The following SPAG17 variants were observed in gnomAD, a reference collection of about 807,000 sequenced individuals.
SPAG17 encodes the protein sperm associated antigen 17.
A neutral mutation model predicts 273.6 loss-of-function variants in SPAG17; 169 were observed. The ratio of observed to expected loss-of-function variants is 0.62; its 90% confidence interval spans 0.55 to 0.70. The LOEUF (loss-of-function observed/expected upper bound fraction) is 0.70, where lower values mean the gene tolerates loss of function less well. Among genes scored for constraint, SPAG17 ranks in the 30% least tolerant of loss-of-function variants. SPAG17 has a pLI of 0.00. For missense variants in SPAG17, 2,557 were observed against 2,627.8 expected, an observed-to-expected ratio of 0.97 and a Z score of 0.59; for synonymous variants, 825 against 873.2, an observed-to-expected ratio of 0.94 and a Z score of 0.97.
intron 3 of SPAG17, among the ~76,000 whole-genome samples, chr1:118,148,604 T>C (rs1659197169): frequency 6.6e-6 from 1 of 152,150 alleles, no homozygotes; most frequent in Non-Finnish European, 1.5e-5. Flanking sequence ...AGAGCACTGA[T>C]TGGTGCATTT....
At position 117,988,214 on chromosome 1, in the gene SPAG17, T is replaced by C. The variant is rs1417062190; in HGVS notation, c.5522-10A>G. 6 of 1,575,396 alleles carry C rather than the reference T, an allele frequency of 3.8e-6. No homozygotes were observed. The highest frequency in any genetic ancestry group is 3.4e-6 in the Non-Finnish European group (4 of 1,164,224). ...GTTAGGTGAGCTGCAACTTTAAACA[T>C]AGATGTATTTAACTTTTATCCCCAC... On this transcript the variant is annotated splice_polypyrimidine_tract_variant and intron_variant, in intron 38 of 48. Coordinates refer to ENST00000336338, the MANE Select transcript of SPAG17 (RefSeq NM_206996.4).
chr1:117,987,740 C>G, intron 40 of SPAG17, 94 bp downstream of exon 40: 1 of 1,236,204 alleles, frequency 8.1e-7, no homozygotes, highest in East Asian at 2.4e-5. Flanking sequence ...CAAATAACAT[C>G]TGGGTGCCTG....
At chr1:118,108,004 T>A (rs1413734919) in intron 4 of SPAG17, among the ~76,000 whole-genome samples, 5 of 152,182 alleles carry the variant, frequency 3.3e-5, no homozygotes. Flanking sequence ...AAAATATATG[T>A]AGACAATAAA....
intron 11 of SPAG17, 27 bp downstream of exon 11, chr1:118,086,844 A>G: frequency 6.2e-7 from 1 of 1,614,170 alleles, no homozygotes; most frequent in South Asian, 1.1e-5. Context: ...CAAAGCATGA[A>G]GACTCTGCTA....
At position 118,012,365 on chromosome 1, in the gene SPAG17, G is replaced by C; in HGVS notation, c.4295C>G (p.Thr1432Arg). 1 of 1,612,846 alleles carries C rather than the reference G, an allele frequency of 6.2e-7. No homozygotes were observed. The highest frequency in any genetic ancestry group is 8.5e-7 in the Non-Finnish European group (1 of 1,179,362). ...ATDPVNGTVM[T>R]TREDKVVIVE... is the part of the protein sequence containing the mutation. ...TATGACAACTTTGTCTTCTCGAGTT[G>C]TCATAACCTGAACATGAAGAGGCAG... The change falls in exon 30 of 49, where the codon ACA (threonine) becomes AGA (arginine). Residue 1432 changes from threonine to arginine, a missense_variant. Coordinates refer to ENST00000336338, the MANE Select transcript of SPAG17 (RefSeq NM_206996.4).
In SPAG17 at chr1:118,091,968, T is replaced by G; in HGVS notation, c.1208A>C (p.Lys403Thr). ...TTGCGGTTCTTCATACTGTGCTTTCTTCTTTCCAGGAGCTGGTACAGCAGG... is the reference window on the plus strand; with the variant it reads ...TTGCGGTTCTTCATACTGTGCTTTCGTCTTTCCAGGAGCTGGTACAGCAGG... ...PQPAVPAPGK[K>T]KAQYEEPQAP... Residue 403 changes from lysine (K) to threonine (T), a missense_variant, in exon 9 of 49, where the codon AAG becomes ACG. Transcript: ENST00000336338. 2 of 1,613,670 alleles carry G rather than the reference T, an allele frequency of 1.2e-6. No individual in the cohort carries two copies. Among genetic ancestry groups the G allele is most frequent in the Non-Finnish European group, 1.7e-6 (2 of 1,179,640 alleles).
intron 40 of SPAG17, among the ~76,000 whole-genome samples, chr1:117,987,099 C>T (rs1179867892): frequency 6.6e-6 from 1 of 152,160 alleles, no homozygotes; most frequent in South Asian, 2.1e-4. Context: ...CTTCATCAAA[C>T]CTAGCATAAA....
rs112567626 is a variant in SPAG17, at chr1:118,137,689, C to T, written c.315+12854G>A. On this transcript the variant is annotated intron_variant, in intron 3 of 48. Coordinates refer to ENST00000336338, the MANE Select transcript of SPAG17 (RefSeq NM_206996.4). The stretch of plus-strand genomic sequence containing the variant: ...TTACCTTGCAGAGTGATTTTTTTGG[C>T]CAATCATGTTTGTGAAATAGAAGAG... Among the ~76,000 whole-genome samples the T allele has an allele frequency of 7.0e-3, 1,058 of 151,880 alleles. 12 individuals are homozygous for T. Among genetic ancestry groups the T allele is most frequent in the African/African-American group, 0.018 (732 of 41,406 alleles).
At chr1:118,172,301 T>C (rs2102395408) in intron 1 of SPAG17, among the ~76,000 whole-genome samples, 1 of 152,340 alleles carries the variant, frequency 6.6e-6, no homozygotes, top group East Asian at 1.9e-4. Flanking sequence ...TTTCAATCCC[T>C]TGAGTATTAG....
intron 3 of SPAG17, among the ~76,000 whole-genome samples, chr1:118,119,394 G>A (rs1420225890): frequency 6.6e-6 from 1 of 152,222 alleles, no homozygotes; most frequent in Admixed American, 6.5e-5. Flanking sequence ...AGGGCAAGCT[G>A]TGGTTGTGTG....
At chr1:118,033,026 A>AGTC (rs1327882536) in intron 24 of SPAG17, among the ~76,000 whole-genome samples, 1 of 152,192 alleles carries the variant, frequency 6.6e-6, no homozygotes, top group Non-Finnish European at 1.5e-5. Context: ...CTCATTGAAG[A>AGTC]TGAGGCCCAG....
At chr1:118,001,353 T>G (rs1430886966) in intron 32 of SPAG17, among the ~76,000 whole-genome samples, 1 of 152,180 alleles carries the variant, frequency 6.6e-6, no homozygotes, top group Non-Finnish European at 1.5e-5. Context: ...TTAGGGAGGA[T>G]TCCCTCTTTT....
Position 117,994,474 on chromosome 1 carries a change from T to C in SPAG17, c.5110A>G (p.Lys1704Glu). The change falls in exon 35 of 49, where the codon AAA becomes GAA. Residue 1704 changes from lysine to glutamate, a missense_variant. Physicochemically the swap from Lys to Glu is moderately conservative, Grantham distance 56. Coordinates refer to ENST00000336338, the MANE Select transcript of SPAG17 (RefSeq NM_206996.4). ...PFHEASPWQV[K>E]KEDTIVPPNL... ...GGAGGGACAATTGTATCTTCCTTTT[T>C]TACTTGCCATGGTGATGCTTCATGG... 1 of 1,613,018 alleles carries C rather than the reference T, an allele frequency of 6.2e-7. No homozygotes were observed. The highest frequency in any genetic ancestry group is 8.5e-7 in the Non-Finnish European group (1 of 1,179,294).
intron 4 of SPAG17, among the ~76,000 whole-genome samples, chr1:118,105,627 G>A (rs1656348149): frequency 1.3e-5 from 2 of 152,138 alleles, no homozygotes; most frequent in African/African-American, 4.8e-5. Context: ...GATTTATAAT[G>A]TGGTTGAAGA....
chr1:117,954,085 G>A (rs1203391526), intron 48 of SPAG17, 36 bp from the exon 49 acceptor site: 5 of 1,612,188 alleles, frequency 3.1e-6, no homozygotes, highest in Non-Finnish European at 4.2e-6. Flanking sequence ...CATTTGTAAA[G>A]CTGCAGGGAA....
chr1:118,073,141 C>T (rs1393835720), intron 17 of SPAG17, among the ~76,000 whole-genome samples: 1 of 152,064 alleles, frequency 6.6e-6, no homozygotes, highest in Non-Finnish European at 1.5e-5. Context: ...CAAAAGAGGA[C>T]AAGTTTTTGT....
At chr1:118,139,327 A>T (rs1658538933) in intron 3 of SPAG17, among the ~76,000 whole-genome samples, 1 of 152,136 alleles carries the variant, frequency 6.6e-6, no homozygotes, top group Admixed American at 6.5e-5. Flanking sequence ...GTCAGCCAGG[A>T]TGTGGAGAAA....
chr1:117,988,468 G>A (rs773397371), intron 38 of SPAG17, among the ~76,000 whole-genome samples: 15 of 152,196 alleles, frequency 9.9e-5, no homozygotes, highest in Non-Finnish European at 1.8e-4. Flanking sequence ...AGGGGAAGTG[G>A]TGTTCTACTT....
chr1:118,124,765 G>A (rs376450239), intron 3 of SPAG17, among the ~76,000 whole-genome samples: 3 of 152,128 alleles, frequency 2.0e-5, no homozygotes, highest in Admixed American at 2.0e-4. Context: ...AGAAACTGAG[G>A]CCTGGTGATC....
Sources: gnomAD v4.1 joint callset for allele counts (sites outside exome capture counted in the v4.1 genomes callset) on GRCh38, gnomAD v4.1.1 for gene constraint, MANE v1.5 for transcripts, NCBI Gene and HGNC (gene_info 2026-07-23, HGNC 2026-07-21) for gene names.